Variants in RGL1 observed in about 807,000 individuals in gnomAD.
RGL1 encodes ral guanine nucleotide dissociation stimulator like 1, also known as ral guanine nucleotide dissociation stimulator-like 1.
Under a neutral mutation model 95.2 loss-of-function variants are expected in RGL1, and 24 were observed. The observed-to-expected ratio is 0.25, with a 90% CI of 0.18 to 0.35. The LOEUF (loss-of-function observed/expected upper bound fraction) is 0.35, where lower values mean the gene tolerates loss of function less well. RGL1 is among the 10% of genes least tolerant of loss of function. The pLI is 1.00. For missense variants in RGL1, 715 were observed against 936.3 expected (o/e 0.76, Z 3.08); for synonymous variants, 329 against 344.9 (o/e 0.95, Z 0.51).
At chr1:183,811,870 G>A (rs993684514) in intron 2 of RGL1, among the ~76,000 whole-genome samples, 2 of 152,160 alleles carry the variant, frequency 1.3e-5, no homozygotes, top group African/African-American at 4.8e-5. Context: ...TGTATATTCT[G>A]TTAAAACAAT....
chr1:183,645,404 C>T (rs888009738), intron 1 of RGL1, among the ~76,000 whole-genome samples: 7 of 152,196 alleles, frequency 4.6e-5, no homozygotes, highest in East Asian at 3.8e-4. Context: ...ATAATGTGTC[C>T]GTCTCTTCAG....
intron 2 of RGL1, among the ~76,000 whole-genome samples, chr1:183,773,677 A>G (rs1406235082): frequency 6.6e-6 from 1 of 152,276 alleles, no homozygotes; most frequent in African/African-American, 2.4e-5. Context: ...TGATGAAAAG[A>G]GTCCTTAGCA....
intron 1 of RGL1, among the ~76,000 whole-genome samples, chr1:183,805,997 T>TTTTTTTTTTTTTC (rs1661303169): frequency 1.2e-5 from 1 of 80,560 alleles, no homozygotes; most frequent in Non-Finnish European, 2.4e-5. Context: ...TTTTTTTTTT[T>TTTTTTTTTTTTTC]TTTTTTTTTT....
intron 1 of RGL1, among the ~76,000 whole-genome samples, chr1:183,676,946 A>G (rs923130610): frequency 6.6e-6 from 1 of 151,706 alleles, no homozygotes; most frequent in Non-Finnish European, 1.5e-5. Context: ...AAAAGGGCAT[A>G]TAATAAGCAC....
At chr1:183,670,331 C>T (rs753642305) in intron 1 of RGL1, among the ~76,000 whole-genome samples, 1 of 152,148 alleles carries the variant, frequency 6.6e-6, no homozygotes, top group African/African-American at 2.4e-5. Context: ...TCTTCTGAGG[C>T]CAGGCTTTCT....
chr1:183,799,803 T>C (rs759869256), intron 2 of RGL1, among the ~76,000 whole-genome samples: 27 of 152,214 alleles, frequency 1.8e-4, no homozygotes, highest in Non-Finnish European at 3.4e-4. Flanking sequence ...TTTTCTGTTA[T>C]GCAATATAAT....
At chr1:183,888,265 AAAAC>A (rs1667230773) in intron 7 of RGL1, among the ~76,000 whole-genome samples, 1 of 152,206 alleles carries the variant, frequency 6.6e-6, no homozygotes, top group South Asian at 2.1e-4. Context: ...TGACGAGAGA[AAAAC>A]AAGCATACTG....
chr1:183,796,720 C>T (rs145336238), intron 2 of RGL1, among the ~76,000 whole-genome samples: 15 of 152,106 alleles, frequency 9.9e-5, no homozygotes, highest in African/African-American at 3.6e-4. Context: ...TTCAGTCCCA[C>T]AAAGAGATAT....
chr1:183,764,287 G>A (rs186481237), intron 2 of RGL1, among the ~76,000 whole-genome samples: 2 of 152,132 alleles, frequency 1.3e-5, no homozygotes, highest in Non-Finnish European at 2.9e-5. Flanking sequence ...TAAAATTAGG[G>A]GCTCATGTGG....
At chr1:183,876,654 TA>T (rs1666514280) in intron 4 of RGL1, among the ~76,000 whole-genome samples, 1 of 152,262 alleles carries the variant, frequency 6.6e-6, no homozygotes, top group South Asian at 2.1e-4. Flanking sequence ...CAGTTAATAC[TA>T]CAGTTTGATG....
At chr1:183,774,686 C>T (rs1303324202) in intron 2 of RGL1, among the ~76,000 whole-genome samples, 1 of 145,950 alleles carries the variant, frequency 6.9e-6, no homozygotes, top group Non-Finnish European at 1.5e-5. Context: ...AGTGATTCTT[C>T]TGCTTCAGCC....
intron 1 of RGL1, among the ~76,000 whole-genome samples, chr1:183,702,733 G>A (rs1654675707): frequency 6.6e-6 from 1 of 152,206 alleles, no homozygotes. Context: ...ACTGACAGGG[G>A]ATTGGAGCAT....
chr1:183,824,904 C>G (rs970571518), intron 2 of RGL1, among the ~76,000 whole-genome samples: 7 of 152,082 alleles, frequency 4.6e-5, no homozygotes, highest in African/African-American at 1.4e-4. Flanking sequence ...TGTAATCACC[C>G]TCCGCCAAGG....
intron 16 of RGL1, among the ~76,000 whole-genome samples, chr1:183,917,363 C>T (rs1312102052): frequency 6.6e-6 from 1 of 152,172 alleles, no homozygotes; most frequent in Non-Finnish European, 1.5e-5. Flanking sequence ...ATGGCGATAA[C>T]CTTGGGTATG....
intron 2 of RGL1, 73 bp downstream of exon 2, chr1:183,806,558 A>G: frequency 9.3e-7 from 1 of 1,074,702 alleles, no homozygotes; most frequent in Non-Finnish European, 1.4e-6. Context: ...ATTATTATTT[A>G]ACAGAGGCAG....
intron 12 of RGL1, among the ~76,000 whole-genome samples, chr1:183,903,646 A>C (rs1305521426): frequency 1.3e-5 from 2 of 152,204 alleles, no homozygotes; most frequent in East Asian, 3.8e-4. Context: ...TAGACAAATA[A>C]ATAGGCAGTT....
At chr1:183,857,553 C>T (rs1665234243) in intron 3 of RGL1, among the ~76,000 whole-genome samples, 1 of 152,124 alleles carries the variant, frequency 6.6e-6, no homozygotes, top group South Asian at 2.1e-4. Flanking sequence ...CTGTTCAGGA[C>T]ATCATGCCCT....
upstream of RGL1, among the ~76,000 whole-genome samples, chr1:183,803,562 G>C (rs1420286512): frequency 6.6e-6 from 1 of 152,238 alleles, no homozygotes; most frequent in Non-Finnish European, 1.5e-5. Flanking sequence ...GTGGGGCCTT[G>C]TGAATTTAAG....
chr1:183,807,196 C>T (rs749203845), intron 2 of RGL1, among the ~76,000 whole-genome samples: 2 of 152,120 alleles, frequency 1.3e-5, no homozygotes, highest in Non-Finnish European at 2.9e-5. Flanking sequence ...GAAAGCTCAG[C>T]GACAGGATCA....
Sources: allele counts gnomAD v4.1 joint callset (sites outside exome capture counted in the v4.1 genomes callset), GRCh38; gene constraint gnomAD v4.1.1; transcripts MANE v1.5; gene names NCBI Gene and HGNC (gene_info 2026-07-23, HGNC 2026-07-21).